CNBD1: variants seen among roughly 807,000 people sequenced by gnomAD.
The protein encoded by CNBD1 is cyclic nucleotide binding domain containing 1.
Under a neutral mutation model 54.4 loss-of-function variants are expected in CNBD1, and 71 were observed. The observed-to-expected ratio is 1.30, with a 90% CI of 1.08 to 1.59. CNBD1 has a LOEUF of 1.59. Among genes scored for constraint, CNBD1 ranks in the 40% most tolerant of loss-of-function variants. CNBD1 has a pLI of 0.00. For synonymous variants in CNBD1, 182 were observed against 170.7 expected, an observed-to-expected ratio of 1.07 and a Z score of -0.51; for missense variants, 659 against 518.0, an observed-to-expected ratio of 1.27 and a Z score of -2.64.
At chr8:87,228,660 C>T (rs1357945298) in intron 5 of CNBD1, among the ~76,000 whole-genome samples, 3 of 151,362 alleles carry the variant, frequency 2.0e-5, no homozygotes, top group African/African-American at 7.4e-5. Flanking sequence ...CAGACAGGGA[C>T]ATTTAAGTCT....
At chr8:86,886,705 C>T (rs1808685286) in intron 1 of CNBD1, among the ~76,000 whole-genome samples, 1 of 152,090 alleles carries the variant, frequency 6.6e-6, no homozygotes, top group Non-Finnish European at 1.5e-5. Flanking sequence ...AATGAATGCA[C>T]TTTTTAACGT....
At chr8:87,143,079 T>C (rs1812404923) in intron 4 of CNBD1, among the ~76,000 whole-genome samples, 2 of 152,170 alleles carry the variant, frequency 1.3e-5, no homozygotes, top group South Asian at 4.1e-4. Context: ...TTGTTTATTA[T>C]AGTTAATAGC....
intron 4 of CNBD1, among the ~76,000 whole-genome samples, chr8:87,152,410 T>C (rs535730855): frequency 7.5e-6 from 1 of 133,124 alleles, no homozygotes; most frequent in Non-Finnish European, 1.6e-5. Context: ...ACACAGAAAA[T>C]ACATTAACAA....
chr8:87,092,485 A>ATGTGTGTGTGTATATATATACACATATG (rs1811232613), intron 4 of CNBD1, among the ~76,000 whole-genome samples: 7 of 137,594 alleles, frequency 5.1e-5, no homozygotes, highest in African/African-American at 2.1e-4. Context: ...ATATACACAT[A>ATGTGTGTGTGTATATATATACACATATG]TGTGTGTGTG....
intron 10 of CNBD1, among the ~76,000 whole-genome samples, chr8:87,357,342 G>T (rs746400968): frequency 6.6e-6 from 1 of 152,144 alleles, no homozygotes; most frequent in African/African-American, 2.4e-5. Flanking sequence ...AGCTACAGGC[G>T]TTTAACTCCA....
At chr8:87,256,407 T>C (rs1346198513) in intron 6 of CNBD1, among the ~76,000 whole-genome samples, 1 of 151,980 alleles carries the variant, frequency 6.6e-6, no homozygotes, top group Non-Finnish European at 1.5e-5. Flanking sequence ...TTTTAGAATG[T>C]ATGTAAGTAT....
At chr8:87,317,851 A>G (rs1383688616) in intron 8 of CNBD1, among the ~76,000 whole-genome samples, 3 of 148,896 alleles carry the variant, frequency 2.0e-5, no homozygotes, top group African/African-American at 5.0e-5. Context: ...AATTTGTCCC[A>G]TGTTTCACTG....
chr8:87,328,137 G>A (rs552593500), intron 8 of CNBD1, among the ~76,000 whole-genome samples: 1 of 151,766 alleles, frequency 6.6e-6, no homozygotes, highest in African/African-American at 2.4e-5. Context: ...CCTTCCCCGT[G>A]CCCCCAATCC....
At chr8:87,148,931 A>G (rs1351857090) in intron 4 of CNBD1, among the ~76,000 whole-genome samples, 3 of 152,162 alleles carry the variant, frequency 2.0e-5, no homozygotes, top group African/African-American at 4.8e-5. Flanking sequence ...AACTCAGGCA[A>G]TCTCCCTATC....
chr8:86,903,495 A>G (rs974429802), intron 2 of CNBD1, among the ~76,000 whole-genome samples: 3 of 152,078 alleles, frequency 2.0e-5, no homozygotes, highest in African/African-American at 7.2e-5. Context: ...ACAGTTATGT[A>G]AGATGCATAT....
chr8:86,999,573 G>T lies in CNBD1; in HGVS notation c.431+59819G>T, dbSNP rs192804763. Among the ~76,000 whole-genome samples the T allele has an allele frequency of 1.2e-3, 186 of 151,826 alleles. 2 individuals carry two copies. Among genetic ancestry groups the T allele is most frequent in the African/African-American group, 4.1e-3 (171 of 41,396 alleles). ...AAAAAAAAGTCTTTTATTTCAAAGG[G>T]CAGTACTTCCCAAAGTAGTTTAATC... On this transcript the variant is annotated intron_variant, in intron 4 of 10. Transcript: ENST00000518476.
chr8:86,990,341 A>G (rs528291986), intron 4 of CNBD1, among the ~76,000 whole-genome samples: 1 of 152,280 alleles, frequency 6.6e-6, no homozygotes, highest in South Asian at 2.1e-4. Flanking sequence ...TCTTAGATTT[A>G]AATCTTTAAT....
chr8:87,385,756 T>A (rs1409804606), downstream of CNBD1, among the ~76,000 whole-genome samples: 2 of 152,122 alleles, frequency 1.3e-5, no homozygotes, highest in African/African-American at 2.4e-5. Context: ...GTCTGACAGC[T>A]TTGAAGAGAG....
rs1586336781 is a variant in CNBD1 at position 87,217,843 on chromosome 8, G to A, written c.577+11705G>A. On this transcript the variant is annotated intron_variant, in intron 5 of 10. Coordinates refer to ENST00000518476, the MANE Select transcript of CNBD1 (RefSeq NM_173538.3). ...ATATATTTTAAAATCCGTAAAAAGT[G>A]GAGAAACCATCTGGACTTTATATTT... Among the ~76,000 whole-genome samples the A allele has an allele frequency of 5.3e-5, 8 of 152,070 alleles. 2 individuals carry two copies. Among genetic ancestry groups the A allele is most frequent in the Admixed American group, 5.2e-4 (8 of 15,276 alleles).
intron 4 of CNBD1, among the ~76,000 whole-genome samples, chr8:87,074,527 C>A (rs1185700783): frequency 1.3e-5 from 2 of 152,148 alleles, no homozygotes; most frequent in Non-Finnish European, 2.9e-5. Context: ...TGCTGAGACT[C>A]CACACAGCAA....
At chr8:87,259,672 T>C (rs1256670160) in intron 6 of CNBD1, among the ~76,000 whole-genome samples, 2 of 152,182 alleles carry the variant, frequency 1.3e-5, no homozygotes, top group East Asian at 3.9e-4. Context: ...ACAATAGTTG[T>C]AAGATTTTTC....
intron 4 of CNBD1, among the ~76,000 whole-genome samples, chr8:87,145,967 G>GT (rs1319565367): frequency 6.6e-6 from 1 of 152,044 alleles, no homozygotes; most frequent in Non-Finnish European, 1.5e-5. Flanking sequence ...AATATTGGTT[G>GT]TATTTTATAT....
chr8:87,183,385 GTTTT>G (rs3056356), intron 4 of CNBD1, among the ~76,000 whole-genome samples: 50,664 of 118,976 alleles, frequency 0.43, 9,635 homozygotes, highest in Admixed American at 0.5. Context: ...TGCGCTGTTT[GTTTT>G]TTTTTTTTTT....
chr8:87,360,458 CCT>C (rs1445017252), intron 10 of CNBD1, among the ~76,000 whole-genome samples: 2 of 151,556 alleles, frequency 1.3e-5, no homozygotes, highest in African/African-American at 4.8e-5. Flanking sequence ...ATATAAATTT[CCT>C]CTGTTTTTCA....
Sources: allele counts gnomAD v4.1 joint callset (sites outside exome capture counted in the v4.1 genomes callset), GRCh38; gene constraint gnomAD v4.1.1; transcripts MANE v1.5; gene names NCBI Gene and HGNC (gene_info 2026-07-23, HGNC 2026-07-21).